FGFRL1: variants seen among roughly 807,000 people sequenced by gnomAD.
The protein encoded by FGFRL1 is fibroblast growth factor receptor like 1.
A neutral mutation model predicts 36.8 loss-of-function variants in FGFRL1; 24 were observed. The observed-to-expected ratio is 0.65, with a 90% CI of 0.47 to 0.92. FGFRL1 has a LOEUF of 0.92. FGFRL1 is among the 40% of genes least tolerant of loss of function. FGFRL1 has a pLI of 0.00. For synonymous variants in FGFRL1, 422 were observed against 344.1 expected (o/e 1.23, Z -2.50); for missense variants, 785 against 753.4 (o/e 1.04, Z -0.49).
In FGFRL1 at chr4:1,026,603, C is replaced by T. The variant is rs4647940; in HGVS notation, c.*1256C>T. On this transcript the variant is annotated 3_prime_UTR_variant, in exon 7 of 7. Transcript: ENST00000510644. ...GCCCATGGCTAGTGGCTCATCCCCA[C>T]TGCATTCTCCCCCTGACACAGAGAA... is the stretch of plus-strand genomic sequence containing the variant. 3.9e-6 allele frequency: 1 copy of T among 259,308 alleles called. No individual in the cohort carries two copies. The highest frequency in any genetic ancestry group is 7.5e-6 in the Non-Finnish European group (1 of 132,754). 16.1% of individuals were successfully genotyped at this position (259,308 alleles called of 1,614,324 possible).
In FGFRL1 at chr4:1,018,359, G is replaced by A. The variant is rs185573813; in HGVS notation, c.80-3844G>A. 8.6e-3 allele frequency among the ~76,000 whole-genome samples: 1,242 copies of A among 145,112 alleles called. 19 individuals carry two copies. Among genetic ancestry groups the A allele is most frequent in the African/African-American group, 0.034 (1,188 of 35,244 alleles). On this transcript the variant is annotated intron_variant, in intron 2 of 6. Coordinates refer to ENST00000510644, the MANE Select transcript of FGFRL1 (RefSeq NM_001004356.3). ...GTGTTTTTTACAGCTGGGCAGGGGT[G>A]GGGGGGGCGGCGGGAGGATTTGGAG...
At position 1,022,290 on chromosome 4, in the gene FGFRL1, A is replaced by G; in HGVS notation, c.167A>G (p.Asp56Gly). The change falls in exon 3 of 7, where the codon GAC becomes GGC. Residue 56 changes from aspartate (D) to glycine (G), a missense_variant. Physicochemically the swap from Asp to Gly is moderately conservative, Grantham distance 94. Transcript: ENST00000510644. Reference protein sequence around the residue: ...TVRLQCPVEGDPPPLTMWTKD... With the variant: ...TVRLQCPVEGGPPPLTMWTKD... Reference sequence around the variant, plus strand: ...CGGCTGCAGTGCCCAGTGGAGGGGGACCCGCCGCCGCTGACCATGTGGACC... The same window carrying G: ...CGGCTGCAGTGCCCAGTGGAGGGGGGCCCGCCGCCGCTGACCATGTGGACC... 1 of 1,582,264 alleles carries G rather than the reference A, an allele frequency of 6.3e-7. No individual in the cohort carries two copies. Among genetic ancestry groups the G allele is most frequent in the Non-Finnish European group, 8.6e-7 (1 of 1,166,930 alleles).
upstream of FGFRL1, among the ~76,000 whole-genome samples, chr4:1,011,541 G>A (rs1351844489): frequency 6.9e-6 from 1 of 145,036 alleles, no homozygotes; most frequent in Admixed American, 6.8e-5. Flanking sequence ...GCGGGGCGGG[G>A]CACGGGGGAG....
chr4:1,013,589 G>A (rs1218555786), intron 2 of FGFRL1, among the ~76,000 whole-genome samples: 1 of 152,272 alleles, frequency 6.6e-6, no homozygotes, highest in Non-Finnish European at 1.5e-5. Context: ...TGAGGGCCCG[G>A]CAGCGTCCTG....
rs760976677 is a variant in FGFRL1, at chr4:1,025,099, G to A, written c.1267G>A (p.Ala423Thr). The A allele has an allele frequency of 3.1e-6, 5 of 1,610,754 alleles. No homozygotes were observed. The South Asian group carries it at 3.3e-5, about 11-fold the overall frequency. ...GCCTGGGCACCGCCCGCCGGGGACG[G>A]CCCGCGACCGCAGCGGAGACAAGGA... ...PLPGHRPPGTARDRSGDKDLP... is the reference protein window; with the variant it reads ...PLPGHRPPGTTRDRSGDKDLP... The change falls in exon 7 of 7, where the codon GCC (alanine) becomes ACC (threonine). Residue 423 changes from alanine (A) to threonine (T), a missense_variant. Ala to Thr is a moderately conservative substitution (Grantham distance 58, BLOSUM62 0). Transcript: ENST00000510644.
At chr4:1,019,055 C>T (rs377358210) in intron 2 of FGFRL1, among the ~76,000 whole-genome samples, 3 of 152,250 alleles carry the variant, frequency 2.0e-5, no homozygotes, top group African/African-American at 7.2e-5. Context: ...TGCCCCCTTT[C>T]TCAGTGGTGA....
At chr4:1,019,029 A>G (rs1182679063) in intron 2 of FGFRL1, among the ~76,000 whole-genome samples, 1 of 152,096 alleles carries the variant, frequency 6.6e-6, no homozygotes, top group Admixed American at 6.5e-5. Flanking sequence ...CCGGCCATCC[A>G]GCGGTCATTT....
At chr4:1,010,297 G>A (rs1047020716), upstream of FGFRL1, 3 of 152,280 alleles carry the variant, frequency 2.0e-5, no homozygotes, top group Non-Finnish European at 4.4e-5. Flanking sequence ...GGCTGCGCCA[G>A]CGGGGGCAGG....
chr4:1,016,297 G>A (rs1473315121), intron 2 of FGFRL1, among the ~76,000 whole-genome samples: 2 of 151,506 alleles, frequency 1.3e-5, no homozygotes, highest in Non-Finnish European at 2.9e-5. Flanking sequence ...CCTCTGGGGA[G>A]TTCCGGGCAG....
At chr4:1,016,658 C>G (rs1197593531) in intron 2 of FGFRL1, among the ~76,000 whole-genome samples, 1 of 152,104 alleles carries the variant, frequency 6.6e-6, no homozygotes, top group East Asian at 1.9e-4. Context: ...CCCCCAGTTC[C>G]CCCGCACGTC....
intron 2 of FGFRL1, among the ~76,000 whole-genome samples, chr4:1,013,851 G>A (rs1001177825): frequency 6.6e-6 from 1 of 152,286 alleles, no homozygotes; most frequent in Non-Finnish European, 1.5e-5. Context: ...ACGCCCCAGC[G>A]GCCACCCCCT....
intron 2 of FGFRL1, among the ~76,000 whole-genome samples, chr4:1,019,456 C>T (rs116251016): frequency 2.3e-3 from 346 of 152,340 alleles, no homozygotes; most frequent in African/African-American, 7.8e-3. Flanking sequence ...TGGCCACTCC[C>T]CCTTGGTCCC....
At chr4:1,016,967 C>T (rs1715919069) in intron 2 of FGFRL1, among the ~76,000 whole-genome samples, 1 of 152,168 alleles carries the variant, frequency 6.6e-6, no homozygotes, top group Admixed American at 6.5e-5. Flanking sequence ...TAGCGGCCAT[C>T]TGTGATGGGG....
At position 1,023,939 on chromosome 4, in the gene FGFRL1, AAGGACGACC is replaced by A; in HGVS notation, c.560_568del (p.Asp187_Gln189del). 6.3e-7 allele frequency: 1 copy of A among 1,588,178 alleles called. No homozygotes were observed. Among genetic ancestry groups the A allele is most frequent in the Non-Finnish European group, 8.5e-7 (1 of 1,170,780 alleles). ...CCCTCGGCCCGACATCACGTGGATG[AAGGACGACC>A]AGGCCTTGACGCGCCCAGAGGCCGC... On this transcript the variant is annotated inframe_deletion, in exon 5 of 7. Coordinates refer to ENST00000510644, the MANE Select transcript of FGFRL1 (RefSeq NM_001004356.3). The surrounding 1 kb of genome is among the most constrained non-coding windows in gnomAD (Gnocchi z 6.0).
At chr4:1,019,971 A>G (rs1010951970) in intron 2 of FGFRL1, among the ~76,000 whole-genome samples, 6 of 152,152 alleles carry the variant, frequency 3.9e-5, no homozygotes, top group Non-Finnish European at 5.9e-5. Context: ...GCGGCCAATG[A>G]TGCCTGTGGG....
At position 1,024,075 on chromosome 4, in the gene FGFRL1, A is replaced by G; in HGVS notation, c.692A>G (p.Asn231Ser). Residue 231 changes from asparagine to serine, a missense_variant, in exon 5 of 7, where the codon AAC becomes AGC. By Grantham distance (46) the Asn-to-Ser change is conservative. Coordinates refer to ENST00000510644, the MANE Select transcript of FGFRL1 (RefSeq NM_001004356.3). ...GTGTCGAACCGCGCGGGCGCCATCA[A>G]CGCCACCTACAAGGTGGATGTGATC... ...CRVSNRAGAI[N>S]ATYKVDVIQR... 1 of 1,589,436 alleles carries G rather than the reference A, an allele frequency of 6.3e-7. No homozygotes were observed.
In FGFRL1 at chr4:1,012,334, G is replaced by C. The variant is rs879452767; in HGVS notation, c.-16-136G>C. ...ATACCCACAGCTTCTCCCCGCTGCG[G>C]CTTCCTCCGCCTGGAGCGCGGGCGG... On this transcript the variant is annotated intron_variant, in intron 1 of 6. Coordinates refer to ENST00000510644, the MANE Select transcript of FGFRL1 (RefSeq NM_001004356.3). 2.9e-5 allele frequency: 27 copies of C among 943,342 alleles called. No individual in the cohort carries two copies. In the Admixed American group the frequency reaches 7.3e-4, roughly 26 times the overall value. 58.4% of individuals were successfully genotyped at this position (943,342 alleles called of 1,614,324 possible).
Position 1,022,215 on chromosome 4 carries a change from TG to T in FGFRL1, c.94del (p.Ala32ArgfsTer29). On this transcript the variant is annotated frameshift_variant, in exon 3 of 7. Coordinates refer to ENST00000510644, the MANE Select transcript of FGFRL1 (RefSeq NM_001004356.3). LOFTEE classifies it high-confidence loss of function. ...GTCCCACCCGCAGGCCCCCCAAAGA[TG>T]GCGGACAAGGTGGTCCCACGGCAGG... ...PAAAARGPPK[M>X]ADKVVPRQVA... The T allele has an allele frequency of 6.5e-7, 1 of 1,536,294 alleles. No individual in the cohort carries two copies. Among genetic ancestry groups the T allele is most frequent in the East Asian group, 2.3e-5 (1 of 42,694 alleles).
At chr4:1,018,890 A>G (rs1326332094) in intron 2 of FGFRL1, among the ~76,000 whole-genome samples, 1 of 150,462 alleles carries the variant, frequency 6.6e-6, no homozygotes, top group Non-Finnish European at 1.5e-5. Context: ...CGGGGAGCCC[A>G]GGTGGGGGTG....
Sources: allele counts gnomAD v4.1 joint callset (sites outside exome capture counted in the v4.1 genomes callset), GRCh38; gene constraint gnomAD v4.1.1; non-coding constraint Gnocchi (gnomAD v3.1); transcripts MANE v1.5; gene names NCBI Gene and HGNC (gene_info 2026-07-23, HGNC 2026-07-21).